Variants in TNRC18 observed in about 807,000 individuals in gnomAD.
The protein encoded by TNRC18 is trinucleotide repeat containing 18, also known as trinucleotide repeat-containing gene 18 protein.
In TNRC18, 69 loss-of-function variants were observed where a neutral mutation model predicts 226.7. The ratio of observed to expected loss-of-function variants is 0.30; its 90% CI spans 0.25 to 0.37. The LOEUF is 0.37. Ranked by LOEUF, TNRC18 falls within the 10% of genes least tolerant of loss-of-function variation. The pLI is 1.00. For missense variants in TNRC18, 4,754 were observed against 4,256.6 expected (o/e 1.12, Z -3.25); for synonymous variants, 2,449 against 1,927.6 (o/e 1.27, Z -7.09).
chr7:5,396,062 T>A (rs1279236438), intron 2 of TNRC18, among the ~76,000 whole-genome samples: 2 of 128,082 alleles, frequency 1.6e-5, no homozygotes, highest in African/African-American at 3.1e-5. Context: ...TTTTAGCTAC[T>A]CGGGAGGCTG....
Position 5,307,594 on chromosome 7 carries a change from C to G in TNRC18, c.*512G>C, listed in dbSNP as rs1382861692. On this transcript the variant is annotated 3_prime_UTR_variant, in exon 30 of 30. Coordinates refer to ENST00000430969, the MANE Select transcript of TNRC18 (RefSeq NM_001080495.3). ...GAGGGTGGGGGCAGGGCCCCTGGCA[C>G]AGTCAGGTAGGCCAGCTGGCATCGG... 1 of 446,404 alleles carries G rather than the reference C, an allele frequency of 2.2e-6. No individual in the cohort carries two copies. Among genetic ancestry groups the G allele is most frequent in the Non-Finnish European group, 4.5e-6 (1 of 222,416 alleles). 27.7% of individuals were successfully genotyped at this position (446,404 alleles called of 1,614,324 possible).
chr7:5,410,956 A>G (rs1398489241), intron 2 of TNRC18, among the ~76,000 whole-genome samples: 3 of 151,480 alleles, frequency 2.0e-5, no homozygotes, highest in Non-Finnish European at 4.4e-5. Flanking sequence ...CTGTAATCCC[A>G]GCACTTTGGG....
Position 5,377,624 on chromosome 7 carries a change from G to A in TNRC18, c.2256-48C>T. 6.6e-7 allele frequency: 1 copy of A among 1,522,166 alleles called. No individual in the cohort carries two copies. Among genetic ancestry groups the A allele is most frequent in the Non-Finnish European group, 8.9e-7 (1 of 1,124,370 alleles). The allele number at this position is 1,522,166 out of a possible 1,614,324, so 94.3% of individuals were successfully genotyped here. A position where few individuals can be genotyped will look rare whatever the true frequency, so the allele number is the denominator to read the frequency against. On this transcript the variant is annotated intron_variant, in intron 6 of 29. Transcript: ENST00000430969. This position sits in a 1 kb window ranked among gnomAD's most constrained non-coding sequence, Gnocchi z 5.8. ...CAGCGACAGCTCGGACAGCCCAGGG[G>A]ACGAGAGGGAGAAGCGGGGTTGCCC...
chr7:5,362,831 G>T lies in TNRC18; in HGVS notation c.4220-6C>A. 2 of 1,518,984 alleles carry T rather than the reference G, an allele frequency of 1.3e-6. No homozygotes were observed. The highest frequency in any genetic ancestry group is 8.8e-7 in the Non-Finnish European group (1 of 1,134,130). The allele number at this position is 1,518,984 out of a possible 1,614,324, so 94.1% of individuals were successfully genotyped here. A position where few individuals can be genotyped will look rare whatever the true frequency, so the allele number is the denominator to read the frequency against. On this transcript the variant is annotated splice_region_variant and splice_polypyrimidine_tract_variant and intron_variant, in intron 11 of 29. Transcript: ENST00000430969. ...CACCAGGGCCCGCTCCGCACCTGTG[G>T]ACAGGAGGTAGGTAACAGGGCGCTG...
At chr7:5,370,269 G>A in intron 11 of TNRC18, 106 bp downstream of exon 11, 10 of 1,322,990 alleles carry the variant, frequency 7.6e-6, no homozygotes, top group Non-Finnish European at 9.1e-6. Flanking sequence ...GCTGCAGTGA[G>A]CTAAGATTGT....
Position 5,374,356 on chromosome 7 carries a change from A to T in TNRC18, c.2928T>A (p.Pro976=). ...TGCCCGCGGGGCCGGCGGCCAGGCCAGGGGGCTTCCGCGGCAGCAGCCCGG... is the reference window on the plus strand; with the variant it reads ...TGCCCGCGGGGCCGGCGGCCAGGCCTGGGGGCTTCCGCGGCAGCAGCCCGG... The part of the protein sequence containing the change: ...AGPGLLPRKP[P]GLAAGPAGTY... The change falls in exon 10 of 30, where the codon CCT becomes CCA. Residue 976 remains proline, a synonymous_variant. Coordinates refer to ENST00000430969, the MANE Select transcript of TNRC18 (RefSeq NM_001080495.3). 1 of 1,463,410 alleles carries T rather than the reference A, an allele frequency of 6.8e-7. No individual in the cohort carries two copies. The highest frequency in any genetic ancestry group is 9.0e-7 in the Non-Finnish European group (1 of 1,113,306). 90.7% of individuals were successfully genotyped at this position (1,463,410 alleles called of 1,614,324 possible).
At position 5,332,854 on chromosome 7, in the gene TNRC18, C is replaced by G. The variant is rs1406265006; in HGVS notation, c.5915G>C (p.Arg1972Pro). The change falls in exon 19 of 30, where the codon CGG becomes CCG. Residue 1972 changes from arginine to proline, a missense_variant. Transcript: ENST00000430969. ...AGGCTCCTTGGGGCCCCGCAGCTTC[C>G]GGGCCTTGCGCCCCTTCTCCACCGC... ...KLAVEKGRKARKLRGPKEPGF... is the reference protein window; with the variant it reads ...KLAVEKGRKAPKLRGPKEPGF... 1 of 1,510,718 alleles carries G rather than the reference C, an allele frequency of 6.6e-7. No individual in the cohort carries two copies. Among genetic ancestry groups the G allele is most frequent in the Non-Finnish European group, 8.8e-7 (1 of 1,138,768 alleles). 93.6% of individuals were successfully genotyped at this position (1,510,718 alleles called of 1,614,324 possible).
At position 5,324,161 on chromosome 7, in the gene TNRC18, C is replaced by G. The variant is rs548036302; in HGVS notation, c.6442+53G>C. The G allele has an allele frequency of 4.6e-6, 7 of 1,535,116 alleles. No homozygotes were observed. The highest frequency in any genetic ancestry group is 4.2e-4 in the Middle Eastern group (2 of 4,734). On this transcript the variant is annotated intron_variant, in intron 21 of 29. Transcript: ENST00000430969. This position sits in a 1 kb window ranked among gnomAD's most constrained non-coding sequence, Gnocchi z 4.8. ...AAGCCTTGCTCAGATCTGCCTCCCC[C>G]AAGGGAGGCTCCAGCAGCCCCGCCC...
chr7:5,313,857 G>A lies in TNRC18; in HGVS notation c.7034C>T (p.Ala2345Val), dbSNP rs1417631436. The change falls in exon 27 of 30, where the codon GCC (alanine) becomes GTC (valine). Residue 2345 changes from alanine to valine, a missense_variant. Coordinates refer to ENST00000430969, the MANE Select transcript of TNRC18 (RefSeq NM_001080495.3). ...KPSAKAKGDRAATLEEGNPTD... is the reference protein window; with the variant it reads ...KPSAKAKGDRVATLEEGNPTD... Reference sequence around the variant, plus strand: ...TGGGTTCCCCTCCTCCAGGGTAGCGGCTCTGTCTGCAAAACAAAACAGATG... The same window carrying A: ...TGGGTTCCCCTCCTCCAGGGTAGCGACTCTGTCTGCAAAACAAAACAGATG... 7 of 1,476,834 alleles carry A rather than the reference G, an allele frequency of 4.7e-6. No individual in the cohort carries two copies. The East Asian group carries it at 1.6e-4, about 35-fold the overall frequency. 91.5% of individuals were successfully genotyped at this position (1,476,834 alleles called of 1,614,324 possible). A position where few individuals can be genotyped will look rare whatever the true frequency, so the allele number is the denominator to read the frequency against.
intron 8 of TNRC18, 74 bp from the exon 9 acceptor site, chr7:5,376,298 G>T: frequency 7.8e-7 from 1 of 1,288,870 alleles, no homozygotes; most frequent in Non-Finnish European, 1.0e-6. Context: ...AGGGGAAGCT[G>T]AAGCCAGAGA....
chr7:5,376,804 T>C lies in TNRC18; in HGVS notation c.2608+43A>G, dbSNP rs572549823. ...GCATCAGAGACCATCTCGCTGGGCA[T>C]GGCCAGTCTGGCCCATGGTGGCCAC... On this transcript the variant is annotated intron_variant, in intron 8 of 29. Transcript: ENST00000430969. 5.8e-5 allele frequency: 93 copies of C among 1,593,928 alleles called. 1 individual carries two copies. Among genetic ancestry groups the C allele is most frequent in the Admixed American group, 2.3e-4 (13 of 56,792 alleles).
chr7:5,368,062 A>AC (rs1368146459), intron 11 of TNRC18, among the ~76,000 whole-genome samples: 5 of 151,668 alleles, frequency 3.3e-5, no homozygotes, highest in Non-Finnish European at 5.9e-5. Context: ...AAAAAAAAAA[A>AC]ACAACTTTGT....
chr7:5,345,517 G>GACCCCCCCCCCCCC, intron 18 of TNRC18, 45 bp downstream of exon 18: 6 of 377,744 alleles, frequency 1.6e-5, no homozygotes, highest in South Asian at 1.3e-4. Context: ...AATGGCGTCC[G>GACCCCCCCCCCCCC]CCCCTCCCAC....
At chr7:5,381,876 G>C (rs896577624) in intron 5 of TNRC18, among the ~76,000 whole-genome samples, 1 of 152,162 alleles carries the variant, frequency 6.6e-6, no homozygotes, top group African/African-American at 2.4e-5. Flanking sequence ...TGAGGCAGGA[G>C]AATCACTTGA....
chr7:5,377,084 C>A lies in TNRC18; in HGVS notation c.2462-91G>T, dbSNP rs1460736990. 1 of 1,496,816 alleles carries A rather than the reference C, an allele frequency of 6.7e-7. No homozygotes were observed. Among genetic ancestry groups the A allele is most frequent in the Non-Finnish European group, 8.9e-7 (1 of 1,120,332 alleles). 92.7% of individuals were successfully genotyped at this position (1,496,816 alleles called of 1,614,324 possible). A position where few individuals can be genotyped will look rare whatever the true frequency, so the allele number is the denominator to read the frequency against. Reference sequence around the variant, plus strand: ...CCCAGCCCAGCACCACCTCCCAAGTCCTGAACCTCCTGGGGCCTCCAGTGG... The same window carrying A: ...CCCAGCCCAGCACCACCTCCCAAGTACTGAACCTCCTGGGGCCTCCAGTGG... On this transcript the variant is annotated intron_variant, in intron 7 of 29. Transcript: ENST00000430969. The surrounding 1 kb of genome is among the most constrained non-coding windows in gnomAD (Gnocchi z 5.8).
chr7:5,325,403 C>G, intron 19 of TNRC18, 155 bp from the exon 20 acceptor site: 8 of 790,054 alleles, frequency 1.0e-5, no homozygotes, highest in South Asian at 5.6e-5. Flanking sequence ...TTCCTGCAAG[C>G]GTTTTTGGTT....
chr7:5,414,390 G>A (rs1782030786), intron 2 of TNRC18, among the ~76,000 whole-genome samples: 1 of 151,022 alleles, frequency 6.6e-6, no homozygotes, highest in Non-Finnish European at 1.5e-5. Context: ...TATGTCCCTT[G>A]CCCGTAAACA....
chr7:5,361,725 TAAA>T lies in TNRC18; in HGVS notation c.4533-6_4533-4del. The T allele has an allele frequency of 6.4e-7, 1 of 1,563,622 alleles. No homozygotes were observed. The highest frequency in any genetic ancestry group is 8.7e-7 in the Non-Finnish European group (1 of 1,155,008). The stretch of plus-strand genomic sequence containing the variant: ...TATGGGGTTCCTCGCGCCTGTCCCT[TAAA>T]AAGAATCACACGCTTGGCTGTGACG... On this transcript the variant is annotated splice_region_variant and splice_polypyrimidine_tract_variant and intron_variant, in intron 13 of 29. Coordinates refer to ENST00000430969, the MANE Select transcript of TNRC18 (RefSeq NM_001080495.3).
At chr7:5,371,693 A>G (rs1429467443) in intron 10 of TNRC18, among the ~76,000 whole-genome samples, 2 of 152,240 alleles carry the variant, frequency 1.3e-5, no homozygotes, top group Non-Finnish European at 2.9e-5. Context: ...GCAAAGGCCT[A>G]CAGCTGCCTT....
Sources: allele counts gnomAD v4.1 joint callset (sites outside exome capture counted in the v4.1 genomes callset), GRCh38; gene constraint gnomAD v4.1.1; non-coding constraint Gnocchi (gnomAD v3.1); transcripts MANE v1.5; gene names NCBI Gene and HGNC (gene_info 2026-07-23, HGNC 2026-07-21).